Variants in TTN observed in about 807,000 individuals in gnomAD.
The protein encoded by TTN is titin.
In TTN, 1,525 loss-of-function variants were observed where a neutral mutation model predicts 3,223.0. The ratio of observed to expected loss-of-function variants is 0.47; its 90% CI spans 0.45 to 0.49. TTN has a LOEUF of 0.49. TTN is among the 20% of genes least tolerant of loss of function. The pLI, the probability that TTN is intolerant of heterozygous loss-of-function variation, is 0.00. For synonymous variants in TTN, 14,094 were observed against 15,161.0 expected (o/e 0.93, Z 5.17); for missense variants, 40,786 against 43,424.0 (o/e 0.94, Z 5.40).
intron 47 of TTN, chr2:178,751,789 C>A: frequency 1.2e-6 from 2 of 1,613,016 alleles, no homozygotes; most frequent in Non-Finnish European, 1.7e-6. Context: ...TGTTATGAAA[C>A]CAAGTCATTT....
At position 178,589,932 on chromosome 2, in the gene TTN, C is replaced by A; in HGVS notation, c.61793G>T (p.Gly20598Val). ...ISWENPLDNG[G>V]SEITNFIVEY... ...TACTATGAAGTTTGTTATTTCTGAG[C>A]CACCATTATCTAGTGGGTTTTCCCA... The change falls in exon 304 of 363, where the codon GGC becomes GTC. Residue 20598 changes from glycine to valine, a missense_variant. By Grantham distance (109) the Gly-to-Val change is moderately radical (BLOSUM62 -3). Coordinates refer to ENST00000589042, the MANE Select transcript of TTN (RefSeq NM_001267550.2). 1 of 1,613,236 alleles carries A rather than the reference C, an allele frequency of 6.2e-7. No homozygotes were observed. The highest frequency in any genetic ancestry group is 1.7e-4 in the Middle Eastern group (1 of 6,058).
chr2:178,568,926 C>T lies in TTN; in HGVS notation c.77206G>A (p.Glu25736Lys). The T allele has an allele frequency of 6.2e-7, 1 of 1,613,408 alleles. No individual in the cohort carries two copies. Among genetic ancestry groups the T allele is most frequent in the Non-Finnish European group, 8.5e-7 (1 of 1,179,604 alleles). ...TTCTCACTGTGTTTAGCTTGCATTTCCACAATATACTGAATGATTTTACTG... is the reference window on the plus strand; with the variant it reads ...TTCTCACTGTGTTTAGCTTGCATTTTCACAATATACTGAATGATTTTACTG... ...GGSKIIQYIV[E>K]MQAKHSEKWS... Residue 25736 changes from glutamate (E) to lysine (K), a missense_variant, in exon 326 of 363, where the codon GAA becomes AAA. Glu to Lys is a moderately conservative substitution (Grantham distance 56). Transcript: ENST00000589042.
At position 178,723,286 on chromosome 2, in the gene TTN, C is replaced by T. The variant is rs367854582; in HGVS notation, c.21721G>A (p.Val7241Ile). The change falls in exon 75 of 363, where the codon GTA becomes ATA. Residue 7241 changes from valine (V) to isoleucine (I), a missense_variant. Coordinates refer to ENST00000589042, the MANE Select transcript of TTN (RefSeq NM_001267550.2). ...AGAATTATGGACTTCCCTGGTTCTA[C>T]AGAATGATCACTTAATCTCTTCAAA... ...AFLKRLSDHS[V>I]EPGKSIILES... The T allele has an allele frequency of 3.5e-5, 56 of 1,613,392 alleles. No homozygotes were observed. In the African/African-American group the frequency reaches 6.7e-4, roughly 19 times the overall value.
chr2:178,636,086 C>G lies in TTN; in HGVS notation c.41485G>C (p.Gly13829Arg). The G allele has an allele frequency of 6.2e-7, 1 of 1,613,270 alleles. No individual in the cohort carries two copies. ...AGAGCCCGCATCAAGCCAATGACGCCTGGCACAATTCGGCCAGGTTTCTCC... is the reference window on the plus strand; with the variant it reads ...AGAGCCCGCATCAAGCCAATGACGCGTGGCACAATTCGGCCAGGTTTCTCC... ...VVEKPGRIVP[G>R]VIGLMRALTI... The change falls in exon 226 of 363, where the codon GGC (glycine) becomes CGC (arginine). Residue 13829 changes from glycine to arginine, a missense_variant. Coordinates refer to ENST00000589042, the MANE Select transcript of TTN (RefSeq NM_001267550.2). The surrounding 1 kb of genome is among the most constrained non-coding windows in gnomAD (Gnocchi z 4.3).
At chr2:178,688,948 G>T in intron 125 of TTN, 105 bp downstream of exon 125, 2 of 1,244,744 alleles carry the variant, frequency 1.6e-6, no homozygotes, top group South Asian at 1.3e-5. Flanking sequence ...GTGAGACAAT[G>T]GATCAGTATA....
intron 141 of TTN, 83 bp from the exon 142 acceptor site, chr2:178,679,499 C>A: frequency 6.3e-7 from 1 of 1,584,208 alleles, no homozygotes; most frequent in Non-Finnish European, 8.6e-7. Flanking sequence ...TTTTTAACAA[C>A]GGACAGTGAC....
chr2:178,712,830 G>T lies in TTN; in HGVS notation c.27195C>A (p.Cys9065Ter), dbSNP rs1292333972. The T allele has an allele frequency of 6.2e-7, 1 of 1,613,784 alleles. No individual in the cohort carries two copies. Among genetic ancestry groups the T allele is most frequent in the Non-Finnish European group, 8.5e-7 (1 of 1,179,772 alleles). ...CAACTGAATCCTCCAAAGACACGTT[G>T]CATCTGTCACCTGGTACTAGTTCAC... ...GSSELVPGDR[C>*]NVSLEDSVAE... The change falls in exon 94 of 363, where the codon TGC (cysteine) becomes TGA (stop). Residue 9065 changes from cysteine (C) to a stop codon, truncating the protein, a stop_gained. Transcript: ENST00000589042. LOFTEE classifies it high-confidence loss of function.
rs778958686 is a variant in TTN at position 178,622,656 on chromosome 2, A to ATAC, written c.44913+11_44913+13dup. ...TATTTGACAGTACAAGATGACAGGTATACAGTCACAGACCTTAGCATTTTC... is the reference window on the plus strand; with the variant it reads ...TATTTGACAGTACAAGATGACAGGTATACTACAGTCACAGACCTTAGCATTTTC... On this transcript the variant is annotated intron_variant, in intron 243 of 362. Coordinates refer to ENST00000589042, the MANE Select transcript of TTN (RefSeq NM_001267550.2). The ATAC allele has an allele frequency of 1.3e-6, 2 of 1,586,716 alleles. No individual in the cohort carries two copies. The highest frequency in any genetic ancestry group is 2.7e-5 in the African/African-American group (2 of 74,422).
chr2:178,552,587 C>T lies in TTN; in HGVS notation c.90313G>A (p.Ala30105Thr), dbSNP rs1699867864. Reference protein sequence around the residue: ...EQSVLEFRVFAKNEKGLSDPV... With the variant: ...EQSVLEFRVFTKNEKGLSDPV... ...TCACTCAGTCCTTTCTCATTTTTGG[C>T]AAACACTCTGAACTCCAGGACTGAC... Residue 30105 changes from alanine (A) to threonine (T), a missense_variant, in exon 335 of 363, where the codon GCC becomes ACC. Coordinates refer to ENST00000589042, the MANE Select transcript of TTN (RefSeq NM_001267550.2). 3 of 1,613,724 alleles carry T rather than the reference C, an allele frequency of 1.9e-6. No individual in the cohort carries two copies. Among genetic ancestry groups the T allele is most frequent in the African/African-American group, 2.7e-5 (2 of 74,928 alleles).
At chr2:178,676,564 C>T (rs920853353) in intron 147 of TTN, among the ~76,000 whole-genome samples, 3 of 151,694 alleles carry the variant, frequency 2.0e-5, no homozygotes, top group African/African-American at 7.3e-5. Context: ...TACTTTAATA[C>T]CTTACTTTAT....
Position 178,775,181 on chromosome 2 carries a change from G to A in TTN, c.6530C>T (p.Thr2177Ile). ...LVQAKQLITF[T>I]QELQDVVAKE... is the part of the protein sequence containing the mutation. ...AGCAACAACATCTTGTAATTCCTGT[G>A]TGAAAGTGATCAATTGCTTGGCTAC... Residue 2177 changes from threonine (T) to isoleucine (I), a missense_variant, in exon 29 of 363, where the codon ACA becomes ATA. By Grantham distance (89) the Thr-to-Ile change is moderately conservative. Coordinates refer to ENST00000589042, the MANE Select transcript of TTN (RefSeq NM_001267550.2). The A allele has an allele frequency of 1.9e-6, 3 of 1,613,946 alleles. No homozygotes were observed. Among genetic ancestry groups the A allele is most frequent in the South Asian group, 1.1e-5 (1 of 91,088 alleles).
chr2:178,557,768 T>C lies in TTN; in HGVS notation c.87586A>G (p.Met29196Val), dbSNP rs765797994. ...TEVSATVART[M>V]MKVMKLTTGE... ...GTGGTCAGTTTCATGACTTTCATCA[T>C]GGTTCTTGCAACTGTTGCAGACACT... Residue 29196 changes from methionine to valine, a missense_variant, in exon 328 of 363, where the codon ATG (methionine) becomes GTG (valine). By Grantham distance (21) the Met-to-Val change is conservative. Coordinates refer to ENST00000589042, the MANE Select transcript of TTN (RefSeq NM_001267550.2). 13 of 1,613,866 alleles carry C rather than the reference T, an allele frequency of 8.1e-6. No homozygotes were observed. The highest frequency in any genetic ancestry group is 9.3e-6 in the Non-Finnish European group (11 of 1,179,854).
chr2:178,672,851 A>G (rs982629172), intron 152 of TTN, 148 bp from the exon 153 acceptor site: 10 of 582,174 alleles, frequency 1.7e-5, no homozygotes, highest in South Asian at 8.4e-5. Flanking sequence ...GAGGCAATAA[A>G]GATACTTTCT....
In TTN at chr2:178,581,544, C is replaced by G; in HGVS notation, c.66724G>C (p.Asp22242His). ...VYAVNKIGYS[D>H]PSDVPDKHYP... is the part of the protein sequence containing the mutation. ...TGTTTATCTGGCACATCACTGGGGT[C>G]ACTGTATCCAATCTTATTAACGGCA... The change falls in exon 316 of 363, where the codon GAC becomes CAC. Residue 22242 changes from aspartate to histidine, a missense_variant. Transcript: ENST00000589042. 6.2e-7 allele frequency: 1 copy of G among 1,610,706 alleles called. No individual in the cohort carries two copies. Among genetic ancestry groups the G allele is most frequent in the Non-Finnish European group, 8.5e-7 (1 of 1,177,728 alleles).
rs2087689554 is a variant in TTN, at chr2:178,757,597, T to C, written c.10623A>G (p.Ala3541=). ...SEHAGQYSCK[A]ANSAGEATCA... ...AAGTGGCTTCCCCAGCACTATTGGCTGCTTTGCAAGAGTACTGCCCAGCAT... is the reference window on the plus strand; with the variant it reads ...AAGTGGCTTCCCCAGCACTATTGGCCGCTTTGCAAGAGTACTGCCCAGCAT... Residue 3541 remains alanine (A), a synonymous_variant, in exon 45 of 363, where the codon GCA becomes GCG. Transcript: ENST00000589042. The C allele has an allele frequency of 6.2e-7, 1 of 1,608,606 alleles. No homozygotes were observed.
rs763612512 is a variant in TTN at position 178,562,829 on chromosome 2, C to T, written c.83303G>A (p.Ser27768Asn). 8 of 1,613,056 alleles carry T rather than the reference C, an allele frequency of 5.0e-6. No individual in the cohort carries two copies. In the East Asian group the frequency reaches 1.6e-4, roughly 32 times the overall value. Residue 27768 changes from serine to asparagine, a missense_variant, in exon 326 of 363, where the codon AGT becomes AAT. Physicochemically the swap from Ser to Asn is conservative, Grantham distance 46. Coordinates refer to ENST00000589042, the MANE Select transcript of TTN (RefSeq NM_001267550.2). ...TCTTATGGTCAAATTCACAGGGGCA[C>T]TTGGTGAGTCAAGAACTCTGACGTT... ...FVNVRVLDSP[S>N]APVNLTIREV...
In TTN at chr2:178,577,785, G is replaced by C; in HGVS notation, c.68641C>G (p.Arg22881Gly). The change falls in exon 323 of 363, where the codon CGA becomes GGA. Residue 22881 changes from arginine (R) to glycine (G), a missense_variant. Physicochemically the swap from Arg to Gly is moderately radical, Grantham distance 125. Coordinates refer to ENST00000589042, the MANE Select transcript of TTN (RefSeq NM_001267550.2). Reference sequence around the variant, plus strand: ...ATCCAAGACTTCGAAGGTAGATCTCGCTTCTCCACTATATATCCAGTTAAC... The same window carrying C: ...ATCCAAGACTTCGAAGGTAGATCTCCCTTCTCCACTATATATCCAGTTAAC... ...HKLTGYIVEKRDLPSKSWMKA... is the reference protein window; with the variant it reads ...HKLTGYIVEKGDLPSKSWMKA... 14 of 1,613,058 alleles carry C rather than the reference G, an allele frequency of 8.7e-6. No homozygotes were observed. The highest frequency in any genetic ancestry group is 1.2e-5 in the Non-Finnish European group (14 of 1,179,488).
In TTN at chr2:178,712,637, T is replaced by C. The variant is rs756731823; in HGVS notation, c.27329-44A>G. ...AAATATAAAATCAAACACATATACATACAGACAAAGACACATCTAATTACT... is the reference window on the plus strand; with the variant it reads ...AAATATAAAATCAAACACATATACACACAGACAAAGACACATCTAATTACT... On this transcript the variant is annotated intron_variant, in intron 94 of 362. Coordinates refer to ENST00000589042, the MANE Select transcript of TTN (RefSeq NM_001267550.2). 5.0e-6 allele frequency: 8 copies of C among 1,607,060 alleles called. No homozygotes were observed. The South Asian group carries it at 6.6e-5, about 13-fold the overall frequency.
rs543864345 is a variant in TTN, at chr2:178,684,082, A to T, written c.32723T>A (p.Val10908Glu). Residue 10908 changes from valine to glutamate, a missense_variant and splice_region_variant, in exon 133 of 363, where the codon GTG becomes GAG. Physicochemically the swap from Val to Glu is moderately radical, Grantham distance 121 (BLOSUM62 -2). Transcript: ENST00000589042. ...GACAGCTCTCTTCGGTTCCTCTGGC[A>T]CTTTAAAGAGAGATTTCACTTTAAA... ...TKKEAPPKAR[V>E]PEEPKRAVPE... The T allele has an allele frequency of 3.6e-5, 58 of 1,611,930 alleles. No individual in the cohort carries two copies. In the South Asian group the frequency reaches 5.5e-4, roughly 15 times the overall value.
Sources: gnomAD v4.1 joint callset for allele counts (sites outside exome capture counted in the v4.1 genomes callset) on GRCh38, gnomAD v4.1.1 for gene constraint, Gnocchi (gnomAD v3.1) non-coding constraint, MANE v1.5 for transcripts, NCBI Gene and HGNC (gene_info 2026-07-23, HGNC 2026-07-21) for gene names.